TTLL9: variants seen among roughly 807,000 people sequenced by gnomAD.
TTLL9 encodes probable tubulin polyglutamylase TTLL9.
TTLL9 carries 47 observed loss-of-function variants against 65.6 expected under a neutral mutation model. The ratio of observed to expected loss-of-function variants is 0.72; its 90% CI spans 0.57 to 0.91. TTLL9 has a LOEUF of 0.91. TTLL9 is among the 40% of genes least tolerant of loss of function. TTLL9 has a pLI of 0.00. For synonymous variants in TTLL9, 179 were observed against 204.8 expected (o/e 0.87, Z 1.07); for missense variants, 537 against 568.8 (o/e 0.94, Z 0.57).
chr20:31,894,955 T>G (rs1323322445), intron 3 of TTLL9, among the ~76,000 whole-genome samples: 1 of 152,158 alleles, frequency 6.6e-6, no homozygotes, highest in Non-Finnish European at 1.5e-5. Flanking sequence ...TGATTATTGT[T>G]TAATTTATTT....
chr20:31,917,468 T>C (rs115631996), intron 6 of TTLL9, among the ~76,000 whole-genome samples: 47 of 152,374 alleles, frequency 3.1e-4, no homozygotes, highest in African/African-American at 1.1e-3. Flanking sequence ...GCTATTATGA[T>C]AGTGCTGCTG....
chr20:31,893,372 C>A (rs1463631160), intron 3 of TTLL9, among the ~76,000 whole-genome samples: 2 of 150,108 alleles, frequency 1.3e-5, no homozygotes, highest in Admixed American at 1.3e-4. Context: ...CTCACTGCAA[C>A]CTCCACCTCC....
intron 3 of TTLL9, among the ~76,000 whole-genome samples, chr20:31,895,813 G>GTATTTATTTATTTATTTATT (rs34278083): frequency 6.8e-6 from 1 of 147,950 alleles, no homozygotes; most frequent in African/African-American, 2.5e-5. Context: ...GGTTATTCAT[G>GTATTTATTTATTTATTTATT]TATTTATTTA....
Position 31,908,918 on chromosome 20 carries a change from C to T in TTLL9, c.318+216C>T, listed in dbSNP as rs535974723. 2.1e-4 allele frequency among the ~76,000 whole-genome samples: 32 copies of T among 152,108 alleles called. No homozygotes were observed. In the South Asian group the frequency reaches 6.4e-3, roughly 31 times the overall value. On this transcript the variant is annotated intron_variant, in intron 5 of 14. Coordinates refer to ENST00000535842, the MANE Select transcript of TTLL9 (RefSeq NM_001008409.5). Reference sequence around the variant, plus strand: ...GGAGGTCACAGGCTGGTTGGAGTTTCAGCACCAAGATTTGAGGAGCAAGAT... The same window carrying T: ...GGAGGTCACAGGCTGGTTGGAGTTTTAGCACCAAGATTTGAGGAGCAAGAT...
intron 2 of TTLL9, chr20:31,884,120 G>C (rs962790068): frequency 1.0e-5 from 5 of 491,802 alleles, no homozygotes; most frequent in Non-Finnish European, 1.9e-5. Flanking sequence ...TACAAAATCA[G>C]TTATACTTCT....
Position 31,871,164 on chromosome 20 carries a change from C to T in TTLL9, c.38C>T (p.Thr13Ile). 6.2e-7 allele frequency: 1 copy of T among 1,614,134 alleles called. No individual in the cohort carries two copies. Among genetic ancestry groups the T allele is most frequent in the Non-Finnish European group, 8.5e-7 (1 of 1,180,024 alleles). The change falls in exon 2 of 15, where the codon ACA (threonine) becomes ATA (isoleucine). Residue 13 changes from threonine (T) to isoleucine (I), a missense_variant. This residue lies in a region of TTLL9 where 320 missense variants were observed against 311.0 expected (regional missense o/e 1.03). Coordinates refer to ENST00000535842, the MANE Select transcript of TTLL9 (RefSeq NM_001008409.5). ...PSREALLGPGTTAIRCPKKLQ... is the reference protein window; with the variant it reads ...PSREALLGPGITAIRCPKKLQ... The stretch of plus-strand genomic sequence containing the variant: ...AGGGAAGCTCTGCTGGGACCAGGCA[C>T]AACTGCCATTAGGTGCCCCAAGAAA...
intron 3 of TTLL9, 37 bp downstream of exon 3, chr20:31,887,276 A>G: frequency 6.2e-7 from 1 of 1,610,806 alleles, no homozygotes; most frequent in Non-Finnish European, 8.5e-7. Flanking sequence ...TCACAGCGCA[A>G]CCAACTTCTC....
At chr20:31,915,875 C>T (rs940358244) in intron 6 of TTLL9, among the ~76,000 whole-genome samples, 8 of 152,054 alleles carry the variant, frequency 5.3e-5, no homozygotes, top group Non-Finnish European at 1.0e-4. Flanking sequence ...TACTAAAGCT[C>T]GTATTCCGGT....
At position 31,906,173 on chromosome 20, in the gene TTLL9, G is replaced by T. The variant is rs186258579; in HGVS notation, c.207-2418G>T. ...AAACTTAGCTGCTTAAGACAGCATT[G>T]CATTAGGCGCGGGGCTCCTGAGTCA... is the stretch of plus-strand genomic sequence containing the variant. On this transcript the variant is annotated intron_variant, in intron 4 of 14. Transcript: ENST00000535842. Among the ~76,000 whole-genome samples the T allele has an allele frequency of 1.9e-3, 283 of 152,182 alleles. 2 individuals are homozygous for T. Among genetic ancestry groups the T allele is most frequent in the African/African-American group, 6.6e-3 (274 of 41,530 alleles).
rs563372857 is a variant in TTLL9, at chr20:31,887,045, G to T, written c.70-151G>T. 2.2e-5 allele frequency: 16 copies of T among 715,312 alleles called. No homozygotes were observed. The South Asian group carries it at 2.7e-4, about 12-fold the overall frequency. The allele number at this position is 715,312 out of a possible 1,614,324, so 44.3% of individuals were successfully genotyped here. ...ATTTGCTGGGGACATGGTGGCCAGT[G>T]GGAACTTGATCAGGCTGGACCTTCG... On this transcript the variant is annotated intron_variant, in intron 2 of 14. Coordinates refer to ENST00000535842, the MANE Select transcript of TTLL9 (RefSeq NM_001008409.5).
chr20:31,934,939 C>A (rs763767989), intron 12 of TTLL9, 51 bp downstream of exon 12: 2 of 1,528,434 alleles, frequency 1.3e-6, no homozygotes, highest in Non-Finnish European at 1.8e-6. Context: ...ATACTCGGCA[C>A]CCAGACTGCC....
intron 2 of TTLL9, among the ~76,000 whole-genome samples, chr20:31,881,404 C>T (rs1221135626): frequency 7.2e-6 from 1 of 137,968 alleles, no homozygotes; most frequent in East Asian, 2.1e-4. Context: ...TCTAGATGCT[C>T]AGCTAAAAAA....
chr20:31,873,852 G>A (rs925204326), intron 2 of TTLL9, among the ~76,000 whole-genome samples: 51 of 148,982 alleles, frequency 3.4e-4, no homozygotes, highest in African/African-American at 1.3e-3. Flanking sequence ...AAGAAAGAAA[G>A]AAAGAAAGAA....
At chr20:31,924,596 T>G (rs1380032629) in intron 8 of TTLL9, among the ~76,000 whole-genome samples, 2 of 151,590 alleles carry the variant, frequency 1.3e-5, no homozygotes, top group Non-Finnish European at 2.9e-5. Context: ...TTTTGTTGTG[T>G]TTTTTTGAGA....
intron 2 of TTLL9, 56 bp from the exon 3 acceptor site, chr20:31,887,140 G>A: frequency 1.3e-6 from 2 of 1,574,932 alleles, no homozygotes; most frequent in Non-Finnish European, 1.7e-6. Context: ...AGTTAACCTG[G>A]GAAAACAGGG....
chr20:31,881,430 C>T lies in TTLL9; in HGVS notation c.70-5766C>T, dbSNP rs142254646. On this transcript the variant is annotated intron_variant, in intron 2 of 14. Coordinates refer to ENST00000535842, the MANE Select transcript of TTLL9 (RefSeq NM_001008409.5). ...AGCTAAAAAACTGGGACTGTTGACT[C>T]CTCCATCTTCCTCACATCCCACATC... 9.2e-5 allele frequency among the ~76,000 whole-genome samples: 14 copies of T among 152,236 alleles called. No individual in the cohort carries two copies. The East Asian group carries it at 1.9e-3, about 21-fold the overall frequency.
At chr20:31,933,722 A>T in intron 10 of TTLL9, 78 bp from the exon 11 acceptor site, 1 of 1,346,486 alleles carries the variant, frequency 7.4e-7, no homozygotes, top group Non-Finnish European at 1.0e-6. Flanking sequence ...ATCAATTCTC[A>T]GTTCAGTCCT....
chr20:31,937,386 C>A lies in TTLL9; in HGVS notation c.1005-10C>A. On this transcript the variant is annotated splice_polypyrimidine_tract_variant and intron_variant, in intron 12 of 14. Coordinates refer to ENST00000535842, the MANE Select transcript of TTLL9 (RefSeq NM_001008409.5). The stretch of plus-strand genomic sequence containing the variant: ...TAACCCTAAGACTCTCTACTCCCCT[C>A]CCTTCCCAGGTGGCTCCTGGAGGTC... 2 of 1,610,798 alleles carry A rather than the reference C, an allele frequency of 1.2e-6. No homozygotes were observed. The highest frequency in any genetic ancestry group is 1.7e-6 in the Non-Finnish European group (2 of 1,177,178).
intron 9 of TTLL9, chr20:31,925,773 T>G (rs2063891798): frequency 9.0e-7 from 1 of 1,107,402 alleles, no homozygotes; most frequent in African/African-American, 1.5e-5. Flanking sequence ...ATAAGGGCAC[T>G]CCGGGTGGAG....
Sources: allele counts gnomAD v4.1 joint callset (sites outside exome capture counted in the v4.1 genomes callset), GRCh38; gene constraint gnomAD v4.1.1; regional missense constraint gnomAD v4.1.1; transcripts MANE v1.5; gene names NCBI Gene and HGNC (gene_info 2026-07-23, HGNC 2026-07-21).